Variants in NFIA observed in about 807,000 individuals in gnomAD.
NFIA encodes nuclear factor I A, also known as nuclear factor 1 A-type.
In NFIA, 8 loss-of-function variants were observed where a neutral mutation model predicts 62.8. That is an observed-to-expected ratio of 0.13 (90% confidence interval 0.07 to 0.23). The LOEUF is 0.23. Among genes scored for constraint, NFIA ranks in the 10% least tolerant of loss-of-function variants. The pLI is 1.00. For synonymous variants in NFIA, 235 were observed against 238.1 expected, an observed-to-expected ratio of 0.99 and a Z score of 0.12; for missense variants, 410 against 642.1, an observed-to-expected ratio of 0.64 and a Z score of 3.91.
In NFIA at chr1:61,268,724, G is replaced by A. The variant is rs968104943; in HGVS notation, c.560-8796G>A. On this transcript the variant is annotated intron_variant, in intron 2 of 10. Coordinates refer to ENST00000403491, the MANE Select transcript of NFIA (RefSeq NM_001134673.4). ...AGATATCTAAGCACAGAAATTGAGA[G>A]CCTTTGAAAACAAAGATAAGGAGAC... 5.3e-5 allele frequency among the ~76,000 whole-genome samples: 8 copies of A among 152,242 alleles called. No individual in the cohort carries two copies. In the East Asian group the frequency reaches 1.5e-3, roughly 29 times the overall value.
chr1:61,380,432 T>A (rs892281239), intron 6 of NFIA, among the ~76,000 whole-genome samples: 13 of 152,198 alleles, frequency 8.5e-5, no homozygotes, highest in Non-Finnish European at 1.8e-4. Context: ...TTGTAACAGT[T>A]GTGCATAAAT....
At chr1:61,294,777 T>C (rs985557487) in intron 3 of NFIA, among the ~76,000 whole-genome samples, 1 of 152,234 alleles carries the variant, frequency 6.6e-6, no homozygotes, top group Non-Finnish European at 1.5e-5. Context: ...ATATCCCTGT[T>C]GTCTGGTGCA....
At chr1:61,178,709 T>C (rs966213558) in intron 2 of NFIA, among the ~76,000 whole-genome samples, 6 of 152,226 alleles carry the variant, frequency 3.9e-5, no homozygotes, top group Non-Finnish European at 8.8e-5. Flanking sequence ...AGCATGAGCT[T>C]ACAGTTTGCA....
At chr1:61,270,321 C>T (rs1352000987) in intron 2 of NFIA, among the ~76,000 whole-genome samples, 3 of 152,098 alleles carry the variant, frequency 2.0e-5, no homozygotes, top group Non-Finnish European at 4.4e-5. Flanking sequence ...AGATCCAGCA[C>T]AGTTAAATTA....
intron 10 of NFIA, among the ~76,000 whole-genome samples, chr1:61,440,409 C>T (rs895827465): frequency 6.6e-6 from 1 of 152,136 alleles, no homozygotes; most frequent in African/African-American, 2.4e-5. Context: ...CCAAGTAATT[C>T]TCATATACAG....
At chr1:61,287,797 C>A (rs913545924) in intron 3 of NFIA, among the ~76,000 whole-genome samples, 5 of 152,164 alleles carry the variant, frequency 3.3e-5, no homozygotes, top group African/African-American at 1.2e-4. Context: ...TTTTATCTGG[C>A]AACCAGTTGT....
At chr1:61,430,655 GT>G (rs71050126) in intron 10 of NFIA, among the ~76,000 whole-genome samples, 1 of 151,964 alleles carries the variant, frequency 6.6e-6, no homozygotes, top group African/African-American at 2.4e-5. Flanking sequence ...CTTGTAGTCT[GT>G]TTTTTTCTCC....
At chr1:61,364,076 G>A (rs1663456278) in intron 6 of NFIA, among the ~76,000 whole-genome samples, 1 of 151,904 alleles carries the variant, frequency 6.6e-6, no homozygotes, top group Non-Finnish European at 1.5e-5. Flanking sequence ...CTCCCGAGCA[G>A]GTAGGACTAC....
At chr1:61,225,553 C>CT (rs71244590) in intron 2 of NFIA, among the ~76,000 whole-genome samples, 17,754 of 122,492 alleles carry the variant, frequency 0.14, 1,918 homozygotes, top group African/African-American at 0.28. Context: ...CCAGCTCGTA[C>CT]TTTTTTTTTT....
At chr1:61,284,157 T>C (rs1440494956) in intron 3 of NFIA, among the ~76,000 whole-genome samples, 5 of 152,174 alleles carry the variant, frequency 3.3e-5, no homozygotes, top group Admixed American at 2.6e-4. Flanking sequence ...ACAGTTATGA[T>C]CAATATTCTA....
chr1:61,079,744 T>G (rs1193391600), upstream of NFIA, among the ~76,000 whole-genome samples: 1 of 152,218 alleles, frequency 6.6e-6, no homozygotes, highest in African/African-American at 2.4e-5. Flanking sequence ...ATCCCTGCTC[T>G]CTCTCAAGTG....
At chr1:61,371,489 C>G (rs1663883867) in intron 6 of NFIA, among the ~76,000 whole-genome samples, 1 of 151,974 alleles carries the variant, frequency 6.6e-6, no homozygotes. Flanking sequence ...CTTTGTGACA[C>G]ACATTTATTA....
intron 2 of NFIA, among the ~76,000 whole-genome samples, chr1:61,216,554 C>T (rs1381227750): frequency 6.6e-6 from 1 of 152,166 alleles, no homozygotes; most frequent in Admixed American, 6.5e-5. Context: ...AAAACCTGCT[C>T]AATTCAACAA....
chr1:61,444,572 T>G (rs999249094), intron 10 of NFIA, among the ~76,000 whole-genome samples: 4 of 152,176 alleles, frequency 2.6e-5, no homozygotes, highest in Non-Finnish European at 2.9e-5. Flanking sequence ...CGGTGTTCCT[T>G]GAGAACAATA....
intron 3 of NFIA, among the ~76,000 whole-genome samples, chr1:61,293,341 G>A (rs539448316): frequency 7.2e-5 from 11 of 152,372 alleles, no homozygotes; most frequent in African/African-American, 2.4e-4. Context: ...CAGTTTCTGT[G>A]TGTATGAGAG....
chr1:61,416,722 A>C (rs1666364439), intron 9 of NFIA, among the ~76,000 whole-genome samples: 1 of 152,174 alleles, frequency 6.6e-6, no homozygotes. Flanking sequence ...GCATTACCTT[A>C]GTTGCATTTG....
intron 9 of NFIA, among the ~76,000 whole-genome samples, chr1:61,416,248 AT>A (rs1238569430): frequency 6.6e-6 from 1 of 152,126 alleles, no homozygotes; most frequent in Non-Finnish European, 1.5e-5. Context: ...AAATATTATG[AT>A]TTCTTTATTC....
intron 6 of NFIA, among the ~76,000 whole-genome samples, chr1:61,380,735 T>C (rs1664374696): frequency 6.6e-6 from 1 of 152,168 alleles, no homozygotes; most frequent in Non-Finnish European, 1.5e-5. Context: ...GCCTTAGGGT[T>C]CATATTACTT....
At chr1:61,412,883 G>A (rs1666166386) in intron 9 of NFIA, among the ~76,000 whole-genome samples, 1 of 152,034 alleles carries the variant, frequency 6.6e-6, no homozygotes, top group South Asian at 2.1e-4. Context: ...ATTCTTTCTG[G>A]TAACTGTACT....
Sources: gnomAD v4.1 joint callset for allele counts (sites outside exome capture counted in the v4.1 genomes callset) on GRCh38, gnomAD v4.1.1 for gene constraint, MANE v1.5 for transcripts, NCBI Gene and HGNC (gene_info 2026-07-23, HGNC 2026-07-21) for gene names.